DEGS2: variants seen among roughly 807,000 people sequenced by gnomAD.
The protein encoded by DEGS2 is delta 4-desaturase, sphingolipid 2.
DEGS2 carries 19 observed loss-of-function variants against 23.8 expected under a neutral mutation model. The ratio of observed to expected loss-of-function variants is 0.80; its 90% confidence interval spans 0.56 to 1.17. DEGS2 has a LOEUF of 1.17. Ranked by LOEUF, DEGS2 falls within the 50% of genes most tolerant of loss-of-function variation. The pLI, the probability that DEGS2 is intolerant of heterozygous loss-of-function variation, is 0.00. For missense variants in DEGS2, 390 were observed against 459.5 expected (o/e 0.85, Z 1.38); for synonymous variants, 218 against 213.7 (o/e 1.02, Z -0.18).
At position 100,150,141 on chromosome 14, in the gene DEGS2, T is replaced by C. The variant is rs892797269; in HGVS notation, c.83-431A>G. 9.8e-5 allele frequency among the ~76,000 whole-genome samples: 15 copies of C among 152,288 alleles called. No homozygotes were observed. In the East Asian group the frequency reaches 2.9e-3, roughly 29 times the overall value. On this transcript the variant is annotated intron_variant, in intron 1 of 2. Coordinates refer to ENST00000305631, the MANE Select transcript of DEGS2 (RefSeq NM_206918.3). ...AAAGTGGTCCCAGGCAGGGAAGCAA[T>C]GTCTCCTGTCAGGCAGGGCAAGGAG...
chr14:100,158,983 C>A (rs941291361), intron 1 of DEGS2, among the ~76,000 whole-genome samples: 1 of 152,262 alleles, frequency 6.6e-6, no homozygotes, highest in African/African-American at 2.4e-5. Context: ...AAAGAAAACA[C>A]GCGCGCCTCT....
chr14:100,143,970 G>A lies in DEGS2; in HGVS notation c.*2791C>T, dbSNP rs1273278175. 1 of 541,472 alleles carries A rather than the reference G, an allele frequency of 1.8e-6. No individual in the cohort carries two copies. Among genetic ancestry groups the A allele is most frequent in the Admixed American group, 3.4e-5 (1 of 29,592 alleles). 33.5% of individuals were successfully genotyped at this position (541,472 alleles called of 1,614,324 possible). The stretch of plus-strand genomic sequence containing the variant: ...CACCAGGTCTGCTCGTCTTTTTTGT[G>A]TTTTATATTTGCTTATTTAAGGTAC... On this transcript the variant is annotated 3_prime_UTR_variant, in exon 3 of 3. Transcript: ENST00000305631.
upstream of DEGS2, among the ~76,000 whole-genome samples, chr14:100,161,791 CG>C: frequency 6.6e-6 from 1 of 152,254 alleles, no homozygotes; most frequent in Non-Finnish European, 1.5e-5. Context: ...AGTTTATGGC[CG>C]GGCATGGTGG....
chr14:100,147,771 A>C (rs1263654203), intron 2 of DEGS2, among the ~76,000 whole-genome samples: 2 of 150,766 alleles, frequency 1.3e-5, no homozygotes, highest in African/African-American at 2.4e-5. Flanking sequence ...GGCCAGCACC[A>C]GGCACCCAGA....
chr14:100,148,939 G>T (rs536993689), intron 2 of DEGS2, 29 bp downstream of exon 2: 11 of 1,601,178 alleles, frequency 6.9e-6, no homozygotes, highest in Non-Finnish European at 9.4e-6. Flanking sequence ...GCCCTGCCCC[G>T]CCGCAGCCCT....
In DEGS2 at chr14:100,146,840, C is replaced by T; in HGVS notation, c.893G>A (p.Trp298Ter). 1 of 1,613,842 alleles carries T rather than the reference C, an allele frequency of 6.2e-7. No individual in the cohort carries two copies. Among genetic ancestry groups the T allele is most frequent in the Non-Finnish European group, 8.5e-7 (1 of 1,179,934 alleles). The change falls in exon 3 of 3, where the codon TGG becomes TAG. Residue 298 changes from tryptophan to a stop codon, truncating the protein, a stop_gained. Coordinates refer to ENST00000305631, the MANE Select transcript of DEGS2 (RefSeq NM_206918.3). LOFTEE classifies it low-confidence loss of function (END_TRUNC). ...PQHHSWVKVLWDFVFEDSLGP... is the reference protein window; with the variant it reads ...PQHHSWVKVL The stretch of plus-strand genomic sequence containing the variant: ...CAGGGAGTCCTCAAACACAAAATCC[C>T]AGAGCACCTTCACCCAGGAGTGGTG...
At chr14:100,160,443 C>G (rs1032284682), upstream of DEGS2, among the ~76,000 whole-genome samples, 1 of 152,198 alleles carries the variant, frequency 6.6e-6, no homozygotes, top group Non-Finnish European at 1.5e-5. Flanking sequence ...ACAGCAGATG[C>G]AAACGCTTGG....
chr14:100,164,424 C>A (rs889532130), upstream of DEGS2, among the ~76,000 whole-genome samples: 1 of 151,598 alleles, frequency 6.6e-6, no homozygotes, highest in Non-Finnish European at 1.5e-5. Flanking sequence ...TTGCTTGAGG[C>A]CAGGAGTTCA....
At chr14:100,163,894 CTTTTGGGGTTTTTTTTGCAGAGACCGGG>C (rs1889777282), upstream of DEGS2, among the ~76,000 whole-genome samples, 1 of 151,952 alleles carries the variant, frequency 6.6e-6, no homozygotes, top group Non-Finnish European at 1.5e-5. Flanking sequence ...TATTTTTGTT[CTTTTGGGGTTTTTTTTGCAGAGACCGGG>C]TTTTGTGGCC....
At chr14:100,160,055 G>T (rs1259556463), upstream of DEGS2, 1 of 152,974 alleles carries the variant, frequency 6.5e-6, no homozygotes, top group Non-Finnish European at 1.5e-5. Flanking sequence ...AGGAGGAGCG[G>T]CTGGCAGGAT....
Position 100,149,378 on chromosome 14 carries a change from C to T in DEGS2, c.415G>A (p.Gly139Arg), listed in dbSNP as rs752101559. The part of the protein sequence containing the change: ...VDHHRYLGGD[G>R]LDVDVPTRLE... Reference sequence around the variant, plus strand: ...CGCGTGGGCACGTCCACGTCCAGCCCGTCGCCGCCCAGGTAGCGGTGGTGG... The same window carrying T: ...CGCGTGGGCACGTCCACGTCCAGCCTGTCGCCGCCCAGGTAGCGGTGGTGG... Residue 139 changes from glycine to arginine, a missense_variant, in exon 2 of 3, where the codon GGG becomes AGG. By Grantham distance (125) the Gly-to-Arg change is moderately radical. Coordinates refer to ENST00000305631, the MANE Select transcript of DEGS2 (RefSeq NM_206918.3). 26 of 1,605,290 alleles carry T rather than the reference C, an allele frequency of 1.6e-5. No homozygotes were observed. Among genetic ancestry groups the T allele is most frequent in the East Asian group, 6.7e-5 (3 of 44,690 alleles).
At chr14:100,164,718 C>T in the DEGS2 span, among the ~76,000 whole-genome samples, 16 of 152,262 alleles carry the variant, frequency 1.1e-4, 3 homozygotes, top group African/African-American at 3.6e-4. Context: ...GTCTTCAGAC[C>T]GAAAGGCTTA....
At chr14:100,166,857 C>T in the DEGS2 span, among the ~76,000 whole-genome samples, 1 of 152,228 alleles carries the variant, frequency 6.6e-6, no homozygotes, top group Non-Finnish European at 1.5e-5. Context: ...GGCGCCGTGG[C>T]TCACGCCTGT....
chr14:100,159,643 C>T lies in DEGS2; in HGVS notation c.-56G>A. The T allele has an allele frequency of 2.1e-6, 2 of 949,898 alleles. No homozygotes were observed. The highest frequency in any genetic ancestry group is 2.7e-6 in the Non-Finnish European group (2 of 728,276). The allele number at this position is 949,898 out of a possible 1,614,324, so 58.8% of individuals were successfully genotyped here. A position where few individuals can be genotyped will look rare whatever the true frequency, so the allele number is the denominator to read the frequency against. ...GCCGGCTCGGCTCTGCTGCACCTGTCGCGGCGGCCGCGGCGCGGAACCAGC... is the reference window on the plus strand; with the variant it reads ...GCCGGCTCGGCTCTGCTGCACCTGTTGCGGCGGCCGCGGCGCGGAACCAGC... On this transcript the variant is annotated 5_prime_UTR_variant, in exon 1 of 3. Transcript: ENST00000305631.
At chr14:100,158,531 C>G (rs1317986343) in intron 1 of DEGS2, among the ~76,000 whole-genome samples, 1 of 151,928 alleles carries the variant, frequency 6.6e-6, no homozygotes, top group Non-Finnish European at 1.5e-5. Context: ...GACTCTGTCT[C>G]TAAATAAATA....
intron 1 of DEGS2, among the ~76,000 whole-genome samples, chr14:100,150,170 C>T (rs1183877592): frequency 6.6e-6 from 1 of 152,204 alleles, no homozygotes; most frequent in East Asian, 1.9e-4. Flanking sequence ...CAAGGAGGAC[C>T]TGCTGGCAGC....
At chr14:100,150,357 G>A (rs977014701) in intron 1 of DEGS2, among the ~76,000 whole-genome samples, 7 of 151,816 alleles carry the variant, frequency 4.6e-5, no homozygotes, top group East Asian at 2.0e-4. Flanking sequence ...CCTGGGGGCC[G>A]GCCAGCTCCA....
chr14:100,160,372 C>T (rs1048177347), upstream of DEGS2, among the ~76,000 whole-genome samples: 3 of 152,068 alleles, frequency 2.0e-5, no homozygotes, highest in African/African-American at 7.2e-5. Flanking sequence ...TTGCATTGGG[C>T]CTTGAGGGGT....
At chr14:100,164,965 T>C in the DEGS2 span, among the ~76,000 whole-genome samples, 1 of 152,200 alleles carries the variant, frequency 6.6e-6, no homozygotes, top group Admixed American at 6.5e-5. Flanking sequence ...GCTATCTCCT[T>C]ACACTGCAAT....
Sources: allele counts gnomAD v4.1 joint callset (sites outside exome capture counted in the v4.1 genomes callset), GRCh38; gene constraint gnomAD v4.1.1; transcripts MANE v1.5; gene names NCBI Gene and HGNC (gene_info 2026-07-23, HGNC 2026-07-21).